RASGRP1: variants seen among roughly 807,000 people sequenced by gnomAD.
The protein encoded by RASGRP1 is RAS guanyl releasing protein 1, also known as RAS guanyl-releasing protein 1.
A neutral mutation model predicts 95.1 loss-of-function variants in RASGRP1; 37 were observed. That is an observed-to-expected ratio of 0.39 (90% CI 0.30 to 0.51). The LOEUF (loss-of-function observed/expected upper bound fraction) is 0.51. RASGRP1 is among the 20% of genes least tolerant of loss of function. The probability of loss-of-function intolerance (pLI) is 0.80; values close to 1 mark genes in which losing one functional copy is unlikely to be tolerated. For missense variants in RASGRP1, 711 were observed against 965.4 expected, an observed-to-expected ratio of 0.74 and a Z score of 3.49; for synonymous variants, 325 against 353.4, an observed-to-expected ratio of 0.92 and a Z score of 0.90.
In RASGRP1 at chr15:38,537,595, A is replaced by G. The variant is rs933016697; in HGVS notation, c.221-11191T>C. Reference sequence around the variant, plus strand: ...CTGTCCTAGCTTCCCAGAGGGACATATATCTCATGAGAACTCACTATCATG... The same window carrying G: ...CTGTCCTAGCTTCCCAGAGGGACATGTATCTCATGAGAACTCACTATCATG... On this transcript the variant is annotated intron_variant, in intron 2 of 16. Coordinates refer to ENST00000310803, the MANE Select transcript of RASGRP1 (RefSeq NM_005739.4). 3.0e-4 allele frequency among the ~76,000 whole-genome samples: 45 copies of G among 152,268 alleles called. 2 individuals are homozygous for G. Among genetic ancestry groups the G allele is most frequent in the Non-Finnish European group, 2.1e-4 (14 of 67,994 alleles).
chr15:38,494,313 T>C, intron 16 of RASGRP1, 69 bp downstream of exon 16: 1 of 1,562,846 alleles, frequency 6.4e-7, no homozygotes, highest in Non-Finnish European at 8.7e-7. Context: ...TCAGTCCACA[T>C]GCTCTTTCCT....
chr15:38,560,676 T>C (rs1425450503), intron 1 of RASGRP1, among the ~76,000 whole-genome samples: 2 of 152,198 alleles, frequency 1.3e-5, no homozygotes, highest in African/African-American at 4.8e-5. Context: ...TCTTGGTTGG[T>C]TTTAAGATAT....
chr15:38,542,126 CAA>C (rs1200183052), intron 2 of RASGRP1, among the ~76,000 whole-genome samples: 6 of 152,128 alleles, frequency 3.9e-5, no homozygotes, highest in Middle Eastern at 3.4e-3. Flanking sequence ...CCCAGGAGTT[CAA>C]GTCTTCAATA....
intron 6 of RASGRP1, 43 bp downstream of exon 6, chr15:38,516,154 A>T (rs1405522058): frequency 3.3e-6 from 5 of 1,523,742 alleles, no homozygotes. Context: ...TATTTTCAGA[A>T]ATATCCCAGG....
At position 38,488,967 on chromosome 15, in the gene RASGRP1, T is replaced by G. The variant is rs1174993687; in HGVS notation, c.*1587A>C. 1.3e-5 allele frequency: 2 copies of G among 152,044 alleles called. No individual in the cohort carries two copies. The highest frequency in any genetic ancestry group is 2.9e-5 in the Non-Finnish European group (2 of 67,906). 9.4% of individuals were successfully genotyped at this position (152,044 alleles called of 1,614,324 possible). A position where few individuals can be genotyped will look rare whatever the true frequency, so the allele number is the denominator to read the frequency against. ...ATGTAATGAAACACTAACTACAAGCTAGTTCTATATCACTAAAACTCAGTG... is the reference window on the plus strand; with the variant it reads ...ATGTAATGAAACACTAACTACAAGCGAGTTCTATATCACTAAAACTCAGTG... On this transcript the variant is annotated 3_prime_UTR_variant, in exon 17 of 17. Coordinates refer to ENST00000310803, the MANE Select transcript of RASGRP1 (RefSeq NM_005739.4).
At position 38,558,543 on chromosome 15, in the gene RASGRP1, G is replaced by A. The variant is rs947596502; in HGVS notation, c.220+1278C>T. Among the ~76,000 whole-genome samples the A allele has an allele frequency of 5.3e-5, 8 of 152,180 alleles. 1 individual carries two copies. The highest frequency in any genetic ancestry group is 4.1e-4 in the South Asian group (2 of 4,832). On this transcript the variant is annotated intron_variant, in intron 2 of 16. Transcript: ENST00000310803. ...TTCTTGGGTCAGATGCAACAGCATGGCCTGGGAACTTGTTAGAAATGCAAA... is the reference window on the plus strand; with the variant it reads ...TTCTTGGGTCAGATGCAACAGCATGACCTGGGAACTTGTTAGAAATGCAAA...
chr15:38,505,136 T>G (rs894278826), intron 10 of RASGRP1, among the ~76,000 whole-genome samples: 2 of 152,208 alleles, frequency 1.3e-5, no homozygotes, highest in Non-Finnish European at 2.9e-5. Flanking sequence ...GCTGGATTTC[T>G]TAAGTGTGGG....
intron 2 of RASGRP1, among the ~76,000 whole-genome samples, chr15:38,542,891 A>ATG (rs1555403806): frequency 2.6e-4 from 35 of 134,176 alleles, no homozygotes; most frequent in South Asian, 9.6e-4. Flanking sequence ...ATACACATAT[A>ATG]TGTGTATATA....
At chr15:38,514,892 G>A (rs186380740) in intron 6 of RASGRP1, among the ~76,000 whole-genome samples, 9 of 152,300 alleles carry the variant, frequency 5.9e-5, no homozygotes, top group Admixed American at 5.9e-4. Context: ...CAGTGGCTCA[G>A]CTCTGACTGC....
At chr15:38,526,694 C>T (rs1429119938) in intron 2 of RASGRP1, among the ~76,000 whole-genome samples, 1 of 152,094 alleles carries the variant, frequency 6.6e-6, no homozygotes, top group Non-Finnish European at 1.5e-5. Context: ...AAAGCAGAAG[C>T]AGATCCAGGT....
chr15:38,555,875 TG>T (rs1202840019), intron 2 of RASGRP1, among the ~76,000 whole-genome samples: 7 of 152,178 alleles, frequency 4.6e-5, no homozygotes, highest in African/African-American at 1.4e-4. Flanking sequence ...GTATGTGTGT[TG>T]GGGGGGCCCG....
In RASGRP1 at chr15:38,512,852, C is replaced by A. The variant is rs1382492357; in HGVS notation, c.780G>T (p.Leu260=). Residue 260 remains leucine, a synonymous_variant, in exon 7 of 17, where the codon CTG becomes CTT. Transcript: ENST00000310803. ...GCGGCGTGGGGCGGCTGAGAACCAT[C>A]AGTTGTACCCACTGGGAGATGCCGT... The part of the protein sequence containing the change: ...LCNGISQWVQ[L]MVLSRPTPQL... The A allele has an allele frequency of 6.2e-7, 1 of 1,613,498 alleles. No homozygotes were observed. Among genetic ancestry groups the A allele is most frequent in the African/African-American group, 1.3e-5 (1 of 74,910 alleles).
Position 38,511,649 on chromosome 15 carries a change from C to T in RASGRP1, c.921G>A (p.Ser307=), listed in dbSNP as rs765927804. 13 of 1,613,438 alleles carry T rather than the reference C, an allele frequency of 8.1e-6. No homozygotes were observed. The highest frequency in any genetic ancestry group is 1.6e-4 in the Middle Eastern group (1 of 6,078). ...VIGGLCHSSI[S]RLKETSSHVP... ...CATGCGAACTTGTCTCCTTGAGCCT[C>T]GAGATTGAGCTGTGACACAGCCCAC... is the stretch of plus-strand genomic sequence containing the variant. The change falls in exon 8 of 17, where the codon TCG becomes TCA. Residue 307 remains serine, a synonymous_variant. Transcript: ENST00000310803.
chr15:38,552,048 G>A (rs1188902604), intron 2 of RASGRP1, among the ~76,000 whole-genome samples: 2 of 152,182 alleles, frequency 1.3e-5, no homozygotes, highest in Non-Finnish European at 2.9e-5. Flanking sequence ...GGTCAGAAAC[G>A]AGGCTGGTTA....
Position 38,511,692 on chromosome 15 carries a change from G to A in RASGRP1, c.878C>T (p.Thr293Ile). The A allele has an allele frequency of 6.2e-7, 1 of 1,613,630 alleles. No homozygotes were observed. The highest frequency in any genetic ancestry group is 8.5e-7 in the Non-Finnish European group (1 of 1,179,626). Residue 293 changes from threonine to isoleucine, a missense_variant, in exon 8 of 17, where the codon ACA becomes ATA. Around this residue, in one of 3 missense-constraint regions of RASGRP1, gnomAD observed 491 missense variants for 676.6 expected, o/e 0.73. Coordinates refer to ENST00000310803, the MANE Select transcript of RASGRP1 (RefSeq NM_005739.4). ...CAGCCCACCTATCACAGCCATCAGT[G>A]TATTGAAGTTCTGTAGTTGGTGGAG... Reference protein sequence around the residue: ...QKLHQLQNFNTLMAVIGGLCH... With the variant: ...QKLHQLQNFNILMAVIGGLCH...
At chr15:38,496,765 A>G (rs563730958) in intron 15 of RASGRP1, among the ~76,000 whole-genome samples, 1 of 152,242 alleles carries the variant, frequency 6.6e-6, no homozygotes, top group African/African-American at 2.4e-5. Flanking sequence ...GAAGACAGAA[A>G]ATTTTTACTT....
chr15:38,501,804 A>G lies in RASGRP1; in HGVS notation c.1538+508T>C, dbSNP rs185394136. On this transcript the variant is annotated intron_variant, in intron 12 of 16. Transcript: ENST00000310803. Reference sequence around the variant, plus strand: ...AGGAAGACTAAACTTTTTCTTATTTATAGTTGACTATTTATAAAGTGGCAG... The same window carrying G: ...AGGAAGACTAAACTTTTTCTTATTTGTAGTTGACTATTTATAAAGTGGCAG... Among the ~76,000 whole-genome samples the G allele has an allele frequency of 4.6e-5, 7 of 152,244 alleles. No individual in the cohort carries two copies. The East Asian group carries it at 1.3e-3, about 29-fold the overall frequency.
intron 6 of RASGRP1, 77 bp downstream of exon 6, chr15:38,516,120 G>C: frequency 6.8e-7 from 1 of 1,481,238 alleles, no homozygotes; most frequent in Non-Finnish European, 9.3e-7. Flanking sequence ...GTTATGAAGC[G>C]GATGGGCTGT....
chr15:38,538,555 T>C (rs943799859), intron 2 of RASGRP1, among the ~76,000 whole-genome samples: 1 of 152,176 alleles, frequency 6.6e-6, no homozygotes, highest in African/African-American at 2.4e-5. Flanking sequence ...AAGACAGCCT[T>C]TACGTATATT....
Sources: gnomAD v4.1 joint callset for allele counts (sites outside exome capture counted in the v4.1 genomes callset) on GRCh38, gnomAD v4.1.1 for gene constraint, gnomAD v4.1.1 regional missense constraint, MANE v1.5 for transcripts, NCBI Gene and HGNC (gene_info 2026-07-23, HGNC 2026-07-21) for gene names.